Variants in CNTNAP2 observed in about 807,000 individuals in gnomAD.
CNTNAP2 encodes the protein contactin associated protein 2.
CNTNAP2 carries 98 observed loss-of-function variants against 155.2 expected under a neutral mutation model. The observed-to-expected ratio is 0.63, with a 90% CI of 0.54 to 0.75. CNTNAP2 has a LOEUF of 0.75. Ranked by LOEUF, CNTNAP2 falls within the 30% of genes least tolerant of loss-of-function variation. The probability of loss-of-function intolerance (pLI) is 0.00; values close to 1 mark genes in which losing one functional copy is unlikely to be tolerated. For missense variants in CNTNAP2, 1,727 were observed against 1,688.1 expected (o/e 1.02, Z -0.40); for synonymous variants, 651 against 631.2 (o/e 1.03, Z -0.47).
intron 18 of CNTNAP2, among the ~76,000 whole-genome samples, chr7:148,205,912 C>G (rs564430480): frequency 1.3e-5 from 2 of 152,210 alleles, no homozygotes; most frequent in African/African-American, 4.8e-5. Context: ...AAGGCATTCA[C>G]CTTTAACCTC....
At chr7:146,663,961 G>T (rs1360817250) in intron 1 of CNTNAP2, among the ~76,000 whole-genome samples, 1 of 151,996 alleles carries the variant, frequency 6.6e-6, no homozygotes, top group Non-Finnish European at 1.5e-5. Context: ...GGGGAAAAAC[G>T]TTCAGTCTTT....
rs1407279537 is a variant in CNTNAP2, at chr7:146,921,835, G to A, written c.402+81931G>A. 2.6e-5 allele frequency among the ~76,000 whole-genome samples: 4 copies of A among 152,198 alleles called. No homozygotes were observed. The South Asian group carries it at 6.2e-4, about 24-fold the overall frequency. On this transcript the variant is annotated intron_variant, in intron 3 of 23. Transcript: ENST00000361727. ...CAGGTAGCAGATGGAAACTGAACACGAAGACATAGTACTGTGCCTGAAATA... is the reference window on the plus strand; with the variant it reads ...CAGGTAGCAGATGGAAACTGAACACAAAGACATAGTACTGTGCCTGAAATA...
chr7:147,069,057 A>C (rs1799840896), intron 4 of CNTNAP2, among the ~76,000 whole-genome samples: 1 of 152,192 alleles, frequency 6.6e-6, no homozygotes. Flanking sequence ...AGAGAGAGGA[A>C]GTGCCAGGCC....
rs1797020520 is a variant in CNTNAP2, at chr7:148,283,313, AAGG to A, written c.3475+16189_3475+16191del. ...AAAGAAAGAAAGAAAGAAAGGAAGGAAGGAAGGAAAGAAAGAAAGAATTCTTAT... is the reference window on the plus strand; with the variant it reads ...AAAGAAAGAAAGAAAGAAAGGAAGGAAAGGAAAGAAAGAAAGAATTCTTAT... On this transcript the variant is annotated intron_variant, in intron 21 of 23. Coordinates refer to ENST00000361727, the MANE Select transcript of CNTNAP2 (RefSeq NM_014141.6). Among the ~76,000 whole-genome samples, 2 of 69,760 alleles carry A rather than the reference AAGG, an allele frequency of 2.9e-5. 1 individual carries two copies. The highest frequency in any genetic ancestry group is 1.4e-4 in the African/African-American group (2 of 14,378). The allele number at this position is 69,760 out of a possible 152,430, so 45.8% of individuals were successfully genotyped here. A position where few individuals can be genotyped will look rare whatever the true frequency, so the allele number is the denominator to read the frequency against.
chr7:147,501,648 G>A (rs930401773), intron 11 of CNTNAP2, among the ~76,000 whole-genome samples: 14 of 152,284 alleles, frequency 9.2e-5, no homozygotes, highest in South Asian at 8.3e-4. Flanking sequence ...AGATGATTTT[G>A]CCCAACTATA....
intron 15 of CNTNAP2, among the ~76,000 whole-genome samples, chr7:148,011,190 C>T (rs1247491556): frequency 6.6e-6 from 1 of 151,898 alleles, no homozygotes; most frequent in Admixed American, 6.6e-5. Flanking sequence ...TTGTGTCTGA[C>T]CTCTTTCAGT....
At chr7:148,331,625 T>C (rs1166903086) in intron 21 of CNTNAP2, among the ~76,000 whole-genome samples, 8 of 7,448 alleles carry the variant, frequency 1.1e-3, no homozygotes, top group Admixed American at 1.6e-3. Flanking sequence ...ATGGAGTCGA[T>C]GGATGGAGTG....
At chr7:146,944,578 A>C (rs1018673002) in intron 3 of CNTNAP2, among the ~76,000 whole-genome samples, 7 of 152,184 alleles carry the variant, frequency 4.6e-5, no homozygotes, top group African/African-American at 1.7e-4. Context: ...ATACATATGC[A>C]TAGAAAAATC....
intron 3 of CNTNAP2, among the ~76,000 whole-genome samples, chr7:146,987,241 G>T (rs940604619): frequency 6.6e-6 from 1 of 152,142 alleles, no homozygotes; most frequent in Non-Finnish European, 1.5e-5. Flanking sequence ...AATGTTTCAA[G>T]GTATACTTGA....
chr7:147,803,078 A>G (rs1798033770), intron 13 of CNTNAP2, among the ~76,000 whole-genome samples: 1 of 152,220 alleles, frequency 6.6e-6, no homozygotes, highest in South Asian at 2.1e-4. Context: ...AAATGGCTTT[A>G]GAGGAAAAGT....
At chr7:147,036,228 A>G (rs1799149548) in intron 3 of CNTNAP2, among the ~76,000 whole-genome samples, 1 of 152,212 alleles carries the variant, frequency 6.6e-6, no homozygotes. Flanking sequence ...TGTGACCTGC[A>G]AAGCCTAAAA....
At chr7:147,727,940 T>C (rs933522676) in intron 13 of CNTNAP2, among the ~76,000 whole-genome samples, 10 of 152,008 alleles carry the variant, frequency 6.6e-5, no homozygotes, top group African/African-American at 2.4e-4. Context: ...TCCATCTCAC[T>C]AGCCACCCCT....
At chr7:147,074,020 A>T (rs980365344) in intron 4 of CNTNAP2, among the ~76,000 whole-genome samples, 1 of 152,128 alleles carries the variant, frequency 6.6e-6, no homozygotes, top group Non-Finnish European at 1.5e-5. Flanking sequence ...CAAGATGGTG[A>T]ATTCAATTAA....
At chr7:148,324,757 T>G (rs1207560031) in intron 21 of CNTNAP2, among the ~76,000 whole-genome samples, 2 of 131,520 alleles carry the variant, frequency 1.5e-5, no homozygotes, top group East Asian at 2.2e-4. Flanking sequence ...ATCGTGCCAC[T>G]GCACTCCAGC....
intron 1 of CNTNAP2, among the ~76,000 whole-genome samples, chr7:146,592,290 G>GA (rs1209395830): frequency 6.6e-6 from 1 of 152,192 alleles, no homozygotes; most frequent in African/African-American, 2.4e-5. Context: ...CCCTAAACCA[G>GA]AAAAATGAGA....
chr7:146,685,455 A>G (rs944390818), intron 1 of CNTNAP2, among the ~76,000 whole-genome samples: 2 of 152,200 alleles, frequency 1.3e-5, no homozygotes, highest in African/African-American at 2.4e-5. Context: ...TTTCAAGTCA[A>G]GCTGGTACAG....
chr7:147,084,684 T>A (rs185453796), intron 4 of CNTNAP2, among the ~76,000 whole-genome samples: 1 of 147,546 alleles, frequency 6.8e-6, no homozygotes, highest in South Asian at 2.1e-4. Context: ...TATATAAGCA[T>A]GCTATATGTA....
At chr7:148,108,489 G>A (rs768910346) in intron 15 of CNTNAP2, among the ~76,000 whole-genome samples, 5 of 152,190 alleles carry the variant, frequency 3.3e-5, no homozygotes, top group Non-Finnish European at 7.3e-5. Flanking sequence ...GTTGAGAGGA[G>A]TAAACCAGCT....
chr7:147,817,662 G>C (rs1798289600), intron 13 of CNTNAP2, among the ~76,000 whole-genome samples: 1 of 152,066 alleles, frequency 6.6e-6, no homozygotes, highest in Admixed American at 6.6e-5. Context: ...CCAGCACTTT[G>C]GGAGGCCGAG....
Sources: gnomAD v4.1 joint callset for allele counts (sites outside exome capture counted in the v4.1 genomes callset) on GRCh38, gnomAD v4.1.1 for gene constraint, MANE v1.5 for transcripts, NCBI Gene and HGNC (gene_info 2026-07-23, HGNC 2026-07-21) for gene names.